The following PGM5 variants were observed in gnomAD, a reference collection of about 807,000 sequenced individuals.
The protein encoded by PGM5 is phosphoglucomutase 5.
In PGM5, 23 loss-of-function variants were observed where a neutral mutation model predicts 59.2. The ratio of observed to expected loss-of-function variants is 0.39; its 90% CI spans 0.28 to 0.55. The LOEUF (loss-of-function observed/expected upper bound fraction) is 0.55, where lower values mean the gene tolerates loss of function less well. PGM5 is among the 20% of genes least tolerant of loss of function. The pLI is 0.66. For synonymous variants in PGM5, 214 were observed against 286.0 expected, an observed-to-expected ratio of 0.75 and a Z score of 2.54; for missense variants, 574 against 748.3, an observed-to-expected ratio of 0.77 and a Z score of 2.72.
chr9:68,519,021 T>C (rs900437467), intron 10 of PGM5, among the ~76,000 whole-genome samples: 5 of 152,204 alleles, frequency 3.3e-5, no homozygotes, highest in Non-Finnish European at 7.3e-5. Flanking sequence ...AAAGAATAGT[T>C]TGATTGACAA....
At chr9:68,418,368 A>G (rs1353371705) in intron 6 of PGM5, among the ~76,000 whole-genome samples, 2 of 152,066 alleles carry the variant, frequency 1.3e-5, no homozygotes, top group Non-Finnish European at 2.9e-5. Context: ...AAGGTATCTG[A>G]GTTCAGAACC....
intron 7 of PGM5, among the ~76,000 whole-genome samples, chr9:68,476,947 C>T (rs1564015988): frequency 6.6e-6 from 1 of 152,028 alleles, no homozygotes; most frequent in Non-Finnish European, 1.5e-5. Context: ...TGTTTTAGAA[C>T]AAAAGGGTAT....
chr9:68,508,669 C>T (rs781903975), intron 10 of PGM5, among the ~76,000 whole-genome samples: 19 of 152,190 alleles, frequency 1.2e-4, no homozygotes, highest in East Asian at 7.7e-4. Context: ...GAATTTGCAG[C>T]GGTCACACAA....
chr9:68,456,176 TC>T, intron 6 of PGM5, among the ~76,000 whole-genome samples: 1 of 152,322 alleles, frequency 6.6e-6, no homozygotes, highest in African/African-American at 2.4e-5. Context: ...TACTAGGAAT[TC>T]TCAAACAACT....
rs12343302 is a variant in PGM5 at position 68,388,609 on chromosome 9, A to G, written c.697+1021A>G. Among the ~76,000 whole-genome samples, 243 of 152,190 alleles carry G rather than the reference A, an allele frequency of 1.6e-3. 1 individual carries two copies. Among genetic ancestry groups the G allele is most frequent in the African/African-American group, 5.2e-3 (218 of 41,534 alleles). On this transcript the variant is annotated intron_variant, in intron 4 of 10. Coordinates refer to ENST00000396396, the MANE Select transcript of PGM5 (RefSeq NM_021965.4). ...CCAGGAACTCAGTGAGAGAAAGCTC[A>G]TGGTAGGTAAATATTTTGTGTATTG...
rs569636631 is a variant in PGM5 at position 68,394,881 on chromosome 9, C to G, written c.1043+2408C>G. ...AAGTGATCCCCCTGCTTCAGCCTCC[C>G]AAAGTGCTGGGATTATGGGTATGAG... On this transcript the variant is annotated intron_variant, in intron 6 of 10. Coordinates refer to ENST00000396396, the MANE Select transcript of PGM5 (RefSeq NM_021965.4). 2.0e-5 allele frequency among the ~76,000 whole-genome samples: 3 copies of G among 152,258 alleles called. No homozygotes were observed. In the East Asian group the frequency reaches 5.8e-4, roughly 29 times the overall value.
intron 10 of PGM5, among the ~76,000 whole-genome samples, chr9:68,524,232 T>C (rs1824937481): frequency 6.6e-6 from 1 of 152,080 alleles, no homozygotes; most frequent in African/African-American, 2.4e-5. Flanking sequence ...TAGTGCAATT[T>C]TTAAAAAATC....
intron 2 of PGM5, among the ~76,000 whole-genome samples, chr9:68,382,390 C>A (rs1352146995): frequency 6.6e-6 from 1 of 151,750 alleles, no homozygotes; most frequent in East Asian, 1.9e-4. Flanking sequence ...AATATAAGAT[C>A]TGAAACCATA....
At chr9:68,419,328 G>A (rs1403599164) in intron 6 of PGM5, among the ~76,000 whole-genome samples, 5 of 152,034 alleles carry the variant, frequency 3.3e-5, no homozygotes, top group Non-Finnish European at 7.4e-5. Context: ...CTCCATCACT[G>A]GCCATTTTAT....
In PGM5 at chr9:68,450,666, G is replaced by A. The variant is rs72714323; in HGVS notation, c.1044-14427G>A. ...TATGCACATTTGGTTTCATGAGGGGGGAAAAATCCACTGTCATATTTCATC... is the reference window on the plus strand; with the variant it reads ...TATGCACATTTGGTTTCATGAGGGGAGAAAAATCCACTGTCATATTTCATC... On this transcript the variant is annotated intron_variant, in intron 6 of 10. Transcript: ENST00000396396. Among the ~76,000 whole-genome samples the A allele has an allele frequency of 6.4e-3, 971 of 152,214 alleles. 4 individuals carry two copies. The highest frequency in any genetic ancestry group is 9.9e-3 in the Non-Finnish European group (675 of 68,002).
rs1233880985 is a variant in PGM5, at chr9:68,365,759, A to G, written c.261+8371A>G. On this transcript the variant is annotated intron_variant, in intron 1 of 10. Coordinates refer to ENST00000396396, the MANE Select transcript of PGM5 (RefSeq NM_021965.4). ...TAAACATCCTGGTTTTTAGCTATCA[A>G]TATGTAGTTTTACATTTAGGGATTT... 2.6e-5 allele frequency among the ~76,000 whole-genome samples: 4 copies of G among 152,148 alleles called. No individual in the cohort carries two copies. In the South Asian group the frequency reaches 8.3e-4, roughly 32 times the overall value.
At chr9:68,468,374 T>C (rs143168658) in intron 7 of PGM5, among the ~76,000 whole-genome samples, 52 of 152,344 alleles carry the variant, frequency 3.4e-4, no homozygotes, top group Middle Eastern at 3.4e-3. Flanking sequence ...ATCTAGCAAC[T>C]GGAATGAAAA....
chr9:68,410,037 G>T (rs1310779476), intron 6 of PGM5, among the ~76,000 whole-genome samples: 3 of 152,290 alleles, frequency 2.0e-5, no homozygotes, highest in Admixed American at 2.0e-4. Context: ...GCCACATTGC[G>T]TCTAGCTCAT....
At chr9:68,526,374 C>T (rs544686360) in intron 10 of PGM5, among the ~76,000 whole-genome samples, 1 of 152,318 alleles carries the variant, frequency 6.6e-6, no homozygotes, top group Middle Eastern at 3.4e-3. Context: ...GCATTTTCTT[C>T]CCTTCAGCTT....
At chr9:68,509,586 C>G (rs7864227) in intron 10 of PGM5, among the ~76,000 whole-genome samples, 4 of 152,164 alleles carry the variant, frequency 2.6e-5, no homozygotes, top group South Asian at 2.1e-4. Flanking sequence ...AGGAGGGGAC[C>G]CAACACGCCA....
chr9:68,372,229 A>G (rs1554677211), intron 1 of PGM5, among the ~76,000 whole-genome samples: 1 of 151,392 alleles, frequency 6.6e-6, no homozygotes, highest in Non-Finnish European at 1.5e-5. Context: ...AGTCAAAATC[A>G]AGGTATCGGC....
At chr9:68,488,886 A>G (rs1184587129) in intron 9 of PGM5, among the ~76,000 whole-genome samples, 1 of 152,160 alleles carries the variant, frequency 6.6e-6, no homozygotes, top group Non-Finnish European at 1.5e-5. Context: ...AGCTACAATG[A>G]GAATAGGGGA....
chr9:68,463,463 T>A (rs1382412841), intron 6 of PGM5, among the ~76,000 whole-genome samples: 2 of 152,152 alleles, frequency 1.3e-5, no homozygotes, highest in African/African-American at 4.8e-5. Context: ...CTTTGAGATC[T>A]ACATCCTTCA....
At chr9:68,511,551 T>TTTTTG in intron 10 of PGM5, among the ~76,000 whole-genome samples, 1 of 112,784 alleles carries the variant, frequency 8.9e-6, no homozygotes, top group Non-Finnish European at 1.9e-5. Context: ...TTGCCTTTTT[T>TTTTTG]TTTTTTTTTT....
Sources: allele counts gnomAD v4.1 joint callset (sites outside exome capture counted in the v4.1 genomes callset), GRCh38; gene constraint gnomAD v4.1.1; transcripts MANE v1.5; gene names NCBI Gene and HGNC (gene_info 2026-07-23, HGNC 2026-07-21).